Variants in DACH2 observed in about 807,000 individuals in gnomAD.
DACH2 encodes dachshund homolog 2.
A neutral mutation model predicts 35.8 loss-of-function variants in DACH2; 17 were observed. The ratio of observed to expected loss-of-function variants is 0.48; its 90% CI spans 0.33 to 0.71. The LOEUF is 0.71. Ranked by LOEUF, DACH2 falls within the 30% of genes least tolerant of loss-of-function variation. The pLI is 0.02. For synonymous variants in DACH2, 195 were observed against 177.3 expected (o/e 1.10, Z -0.79); for missense variants, 469 against 472.7 (o/e 0.99, Z 0.07).
intron 1 of DACH2, among the ~76,000 whole-genome samples, chrX:86,226,127 A>G (rs2032818240): frequency 9.1e-6 from 1 of 110,496 alleles, no homozygotes. Context: ...AAGCATTGTG[A>G]AAGTCAAAAT....
Position 86,792,216 on chromosome X carries a change from A to G in DACH2, c.1241-20640A>G, listed in dbSNP as rs761860055. 2.7e-5 allele frequency among the ~76,000 whole-genome samples: 3 copies of G among 111,504 alleles called. No homozygotes were observed. The South Asian group carries it at 1.1e-3, about 41-fold the overall frequency. ...ATTATAACTTTATTCTTTTTGCAAA[A>G]CAATTGGAAACTGCCAGTAAAATTT... On this transcript the variant is annotated intron_variant, in intron 7 of 11. Transcript: ENST00000373125.
chrX:86,306,020 T>C (rs1196352525), intron 1 of DACH2, among the ~76,000 whole-genome samples: 2 of 112,138 alleles, frequency 1.8e-5, no homozygotes, highest in African/African-American at 6.5e-5. Context: ...AGTTTAGTCA[T>C]ATGGGAAATA....
Position 86,463,914 on chromosome X carries a change from A to G in DACH2, c.528-50365A>G, listed in dbSNP as rs755243778. Among the ~76,000 whole-genome samples, 7 of 111,786 alleles carry G rather than the reference A, an allele frequency of 6.3e-5. No individual in the cohort carries two copies. The East Asian group carries it at 1.7e-3, about 27-fold the overall frequency. On this transcript the variant is annotated intron_variant, in intron 2 of 11. Transcript: ENST00000373125. ...GACAATTATGCGGCCAACAAACACG[A>G]AAAAAAACTTATCATCACTGGCTGT... is the stretch of plus-strand genomic sequence containing the variant.
intron 2 of DACH2, among the ~76,000 whole-genome samples, chrX:86,508,140 A>G (rs763316287): frequency 3.2e-4 from 36 of 112,244 alleles, no homozygotes; most frequent in Non-Finnish European, 4.7e-4. Context: ...TCCATTCATC[A>G]TAAGTTTTCC....
chrX:86,167,196 T>A (rs1415444068), intron 1 of DACH2, among the ~76,000 whole-genome samples: 1 of 111,712 alleles, frequency 9.0e-6, no homozygotes, highest in Admixed American at 9.5e-5. Context: ...CCCAAGCTTT[T>A]CTTCACTGGG....
chrX:86,747,222 A>C (rs1302204816), intron 7 of DACH2, among the ~76,000 whole-genome samples: 2 of 111,723 alleles, frequency 1.8e-5, no homozygotes, highest in Non-Finnish European at 3.8e-5. Context: ...TAAGATATCA[A>C]CTGGAATTAC....
chrX:86,643,172 G>GTTTTT (rs57842008), intron 3 of DACH2, among the ~76,000 whole-genome samples: 2,531 of 84,393 alleles, frequency 0.03, 58 homozygotes, highest in East Asian at 0.1. Flanking sequence ...TCCAGGAATT[G>GTTTTT]TTTTTTTTTT....
chrX:86,180,202 A>ATATATT (rs1338071562), intron 1 of DACH2, among the ~76,000 whole-genome samples: 1 of 89,050 alleles, frequency 1.1e-5, no homozygotes, highest in African/African-American at 4.1e-5. Context: ...ATATATATAT[A>ATATATT]TATATGGTTC....
chrX:86,216,383 G>A (rs1263229490), intron 1 of DACH2, among the ~76,000 whole-genome samples: 1 of 59,147 alleles, frequency 1.7e-5, no homozygotes, highest in Non-Finnish European at 3.1e-5. Flanking sequence ...AACAGGCCCC[G>A]GTGTGTGATG....
chrX:86,811,690 T>C (rs960998676), intron 7 of DACH2, among the ~76,000 whole-genome samples: 2 of 111,653 alleles, frequency 1.8e-5, no homozygotes, highest in Admixed American at 1.9e-4. Flanking sequence ...CTGAATTTCT[T>C]TCGTTAACAT....
intron 3 of DACH2, among the ~76,000 whole-genome samples, chrX:86,565,461 A>G (rs1310940433): frequency 1.8e-5 from 2 of 111,322 alleles, no homozygotes; most frequent in Non-Finnish European, 3.8e-5. Flanking sequence ...CTGAATCAAA[A>G]ACATTGGCAG....
intron 2 of DACH2, among the ~76,000 whole-genome samples, chrX:86,393,123 C>G (rs533989690): frequency 2.7e-5 from 3 of 111,298 alleles, no homozygotes; most frequent in African/African-American, 9.8e-5. Context: ...CCCCTGCCCA[C>G]CTTGTTAATC....
chrX:86,620,659 C>A (rs764093138), intron 3 of DACH2, among the ~76,000 whole-genome samples: 9 of 110,860 alleles, frequency 8.1e-5, no homozygotes, highest in South Asian at 3.8e-4. Context: ...TAACATAGTT[C>A]TTTTATTAGT....
At chrX:86,534,878 GATTAA>G (rs747274963) in intron 3 of DACH2, among the ~76,000 whole-genome samples, 198 of 111,151 alleles carry the variant, frequency 1.8e-3, no homozygotes, top group African/African-American at 6.0e-3. Flanking sequence ...TCACATGATA[GATTAA>G]ATTAAATTTA....
At chrX:86,195,443 C>T (rs1341327683) in intron 1 of DACH2, among the ~76,000 whole-genome samples, 2 of 111,010 alleles carry the variant, frequency 1.8e-5, no homozygotes, top group Non-Finnish European at 3.8e-5. Flanking sequence ...CCTGTTCCAA[C>T]ACCACTACCA....
chrX:86,687,751 A>G (rs1326270218), intron 4 of DACH2, among the ~76,000 whole-genome samples: 1 of 111,024 alleles, frequency 9.0e-6, no homozygotes, highest in Non-Finnish European at 1.9e-5. Context: ...AGGGACATGG[A>G]TGAAGTTGGA....
chrX:86,360,184 G>A (rs2035715858), intron 1 of DACH2, among the ~76,000 whole-genome samples: 1 of 111,504 alleles, frequency 9.0e-6, no homozygotes, highest in African/African-American at 3.3e-5. Flanking sequence ...CCAGAACAGT[G>A]TGTTATACAT....
At chrX:86,343,765 G>T (rs1025735691) in intron 1 of DACH2, among the ~76,000 whole-genome samples, 6 of 111,375 alleles carry the variant, frequency 5.4e-5, no homozygotes, top group African/African-American at 2.0e-4. Flanking sequence ...TTGTAAACTT[G>T]TATTTATTAT....
intron 1 of DACH2, among the ~76,000 whole-genome samples, chrX:86,294,597 T>G (rs960928904): frequency 6.4e-5 from 7 of 109,325 alleles, no homozygotes; most frequent in Non-Finnish European, 3.8e-5. Context: ...TACAGATGGG[T>G]TTTTGGTGTG....
Sources: gnomAD v4.1 joint callset for allele counts (sites outside exome capture counted in the v4.1 genomes callset) on GRCh38, gnomAD v4.1.1 for gene constraint, MANE v1.5 for transcripts, NCBI Gene and HGNC (gene_info 2026-07-23, HGNC 2026-07-21) for gene names.